PCSK2: variants seen among roughly 807,000 people sequenced by gnomAD.
PCSK2 encodes proprotein convertase subtilisin/kexin type 2, also known as neuroendocrine convertase 2.
In PCSK2, 14 loss-of-function variants were observed where a neutral mutation model predicts 69.7. That is an observed-to-expected ratio of 0.20 (90% CI 0.13 to 0.31). PCSK2 has a LOEUF of 0.31. Among genes scored for constraint, PCSK2 ranks in the 10% least tolerant of loss-of-function variants. PCSK2 has a pLI of 1.00. For synonymous variants in PCSK2, 307 were observed against 320.7 expected (o/e 0.96, Z 0.46); for missense variants, 544 against 842.5 (o/e 0.65, Z 4.39).
At chr20:17,279,050 C>A (rs1210149235) in intron 2 of PCSK2, among the ~76,000 whole-genome samples, 1 of 152,154 alleles carries the variant, frequency 6.6e-6, no homozygotes, top group Non-Finnish European at 1.5e-5. Flanking sequence ...CCAGCTCACA[C>A]CTCTTACCCT....
chr20:17,376,769 G>A (rs2030939871), intron 5 of PCSK2, among the ~76,000 whole-genome samples: 3 of 152,186 alleles, frequency 2.0e-5, no homozygotes. Context: ...TCTTTGTAAG[G>A]AAGTGTGTAC....
chr20:17,303,458 A>AAT (rs1555786495), intron 2 of PCSK2, among the ~76,000 whole-genome samples: 11 of 55,532 alleles, frequency 2.0e-4, no homozygotes, highest in East Asian at 8.2e-4. Context: ...TATTATATTA[A>AAT]ATATAATATA....
intron 1 of PCSK2, among the ~76,000 whole-genome samples, chr20:17,228,599 G>C (rs902932918): frequency 1.3e-4 from 20 of 152,186 alleles, no homozygotes; most frequent in Non-Finnish European, 2.2e-4. Flanking sequence ...ATCCCAGGAA[G>C]AGAGAGGAGT....
chr20:17,423,896 A>G (rs905472681), intron 6 of PCSK2, among the ~76,000 whole-genome samples: 1 of 152,210 alleles, frequency 6.6e-6, no homozygotes, highest in Non-Finnish European at 1.5e-5. Flanking sequence ...TGCAAAATGA[A>G]ACAATAACAT....
chr20:17,462,410 C>T lies in PCSK2; in HGVS notation c.1203-2916C>T, dbSNP rs183341244. On this transcript the variant is annotated intron_variant, in intron 10 of 11. Coordinates refer to ENST00000262545, the MANE Select transcript of PCSK2 (RefSeq NM_002594.5). Reference sequence around the variant, plus strand: ...ATGCAAATTCTCAGGCCCACAATCTCCAAGATGCTGATTCAGGACAGGTGG... The same window carrying T: ...ATGCAAATTCTCAGGCCCACAATCTTCAAGATGCTGATTCAGGACAGGTGG... 3.0e-3 allele frequency among the ~76,000 whole-genome samples: 463 copies of T among 152,288 alleles called. 3 individuals carry two copies. Among genetic ancestry groups the T allele is most frequent in the African/African-American group, 0.011 (447 of 41,536 alleles).
rs2123237839 is a variant in PCSK2, at chr20:17,373,352, G to C, written c.543+4075G>C. On this transcript the variant is annotated intron_variant, in intron 5 of 11. Transcript: ENST00000262545. ...CCCTTGGGATGTGATGCCTCAAGAA[G>C]CTGGGGTATTTATGTGACAACTTCG... is the stretch of plus-strand genomic sequence containing the variant. 1.3e-5 allele frequency among the ~76,000 whole-genome samples: 2 copies of C among 152,300 alleles called. 1 individual carries two copies. The highest frequency in any genetic ancestry group is 2.9e-5 in the Non-Finnish European group (2 of 68,028).
At chr20:17,358,130 A>ACCC (rs139541917) in intron 2 of PCSK2, among the ~76,000 whole-genome samples, 197 bp from the exon 3 acceptor site, 3 of 150,598 alleles carry the variant, frequency 2.0e-5, no homozygotes, top group Non-Finnish European at 3.0e-5. Context: ...ACATAGCGAG[A>ACCC]CCCCCCCTAA....
intron 8 of PCSK2, among the ~76,000 whole-genome samples, chr20:17,450,819 C>T (rs2032808088): frequency 6.6e-6 from 1 of 152,164 alleles, no homozygotes; most frequent in Non-Finnish European, 1.5e-5. Context: ...GACTTAATTA[C>T]CTCCTAAAGG....
At chr20:17,460,520 T>A (rs1336026515) in intron 10 of PCSK2, among the ~76,000 whole-genome samples, 2 of 152,222 alleles carry the variant, frequency 1.3e-5, no homozygotes, top group African/African-American at 2.4e-5. Context: ...ATACAACTGC[T>A]AATGTCTTCT....
At chr20:17,279,991 C>CAA (rs5840762) in intron 2 of PCSK2, among the ~76,000 whole-genome samples, 337 of 128,416 alleles carry the variant, frequency 2.6e-3, no homozygotes, top group Non-Finnish European at 4.1e-3. Flanking sequence ...ATGTAGAAGA[C>CAA]AAAAAAAAAA....
At chr20:17,444,803 A>G (rs2032667128) in intron 8 of PCSK2, among the ~76,000 whole-genome samples, 1 of 152,264 alleles carries the variant, frequency 6.6e-6, no homozygotes, top group South Asian at 2.1e-4. Context: ...CCAAAACTTG[A>G]GAACACACCC....
At chr20:17,451,962 G>A (rs6044830) in intron 8 of PCSK2, among the ~76,000 whole-genome samples, 8 of 127,352 alleles carry the variant, frequency 6.3e-5, no homozygotes, top group African/African-American at 6.0e-5. Flanking sequence ...TCTGTCACCC[G>A]GGCTGGAGTG....
intron 2 of PCSK2, among the ~76,000 whole-genome samples, chr20:17,319,201 A>G (rs1345147237): frequency 6.6e-6 from 1 of 152,240 alleles, no homozygotes; most frequent in Non-Finnish European, 1.5e-5. Flanking sequence ...AGATAAAGAC[A>G]AAAAAGTTGC....
At chr20:17,451,152 G>C (rs550362874) in intron 8 of PCSK2, among the ~76,000 whole-genome samples, 1 of 152,276 alleles carries the variant, frequency 6.6e-6, no homozygotes, top group Non-Finnish European at 1.5e-5. Context: ...AGAAAACGAA[G>C]CATTCTTGTG....
chr20:17,456,906 A>G (rs2032933608), intron 10 of PCSK2, among the ~76,000 whole-genome samples: 1 of 152,210 alleles, frequency 6.6e-6, no homozygotes, highest in South Asian at 2.1e-4. Flanking sequence ...TAATTTGTGA[A>G]GTGGATTCAC....
Position 17,358,379 on chromosome 20 carries a change from G to C in PCSK2, c.335G>C (p.Arg112Thr). The change falls in exon 3 of 12, where the codon AGA becomes ACA. Residue 112 changes from arginine (R) to threonine (T), a missense_variant. Around this residue, in one of 3 missense-constraint regions of PCSK2, gnomAD observed 157 missense variants for 155.0 expected, o/e 1.01. Coordinates refer to ENST00000262545, the MANE Select transcript of PCSK2 (RefSeq NM_002594.5). ...TTTGACCGAAAAAAGCGAGGTTACA[G>C]AGACATCAATGAGATCGACATCAAC... is the stretch of plus-strand genomic sequence containing the variant. ...EGFDRKKRGY[R>T]DINEIDINMN... is the part of the protein sequence containing the mutation. The C allele has an allele frequency of 1.2e-6, 2 of 1,613,578 alleles. No individual in the cohort carries two copies. Among genetic ancestry groups the C allele is most frequent in the South Asian group, 1.1e-5 (1 of 91,074 alleles).
At chr20:17,365,517 T>A (rs1440547138) in intron 4 of PCSK2, among the ~76,000 whole-genome samples, 2 of 152,118 alleles carry the variant, frequency 1.3e-5, no homozygotes, top group Non-Finnish European at 2.9e-5. Context: ...GCCCCAAAAG[T>A]CTTGATTTGT....
chr20:17,353,960 G>A (rs1255969450), intron 2 of PCSK2, among the ~76,000 whole-genome samples: 2 of 152,138 alleles, frequency 1.3e-5, no homozygotes, highest in Non-Finnish European at 2.9e-5. Context: ...GTACACATGG[G>A]CATAAAGATG....
At chr20:17,270,967 C>T (rs978156428) in intron 2 of PCSK2, among the ~76,000 whole-genome samples, 2 of 152,050 alleles carry the variant, frequency 1.3e-5, no homozygotes, top group Admixed American at 6.6e-5. Context: ...CTGTAAAATG[C>T]CCTCTGAGGT....
Sources: gnomAD v4.1 joint callset for allele counts (sites outside exome capture counted in the v4.1 genomes callset) on GRCh38, gnomAD v4.1.1 for gene constraint, gnomAD v4.1.1 regional missense constraint, MANE v1.5 for transcripts, NCBI Gene and HGNC (gene_info 2026-07-23, HGNC 2026-07-21) for gene names.